The following LGSN variants were observed in gnomAD, a reference collection of about 807,000 sequenced individuals.
LGSN encodes lengsin, lens protein with glutamine synthetase domain, also known as lengsin.
Under a neutral mutation model 19.5 loss-of-function variants are expected in LGSN, and 21 were observed. The ratio of observed to expected loss-of-function variants is 1.07; its 90% CI spans 0.76 to 1.55. LGSN has a LOEUF of 1.55. LGSN is among the 40% of genes most tolerant of loss of function. The pLI is 0.00. For synonymous variants in LGSN, 257 were observed against 215.6 expected (o/e 1.19, Z -1.68); for missense variants, 673 against 608.5 (o/e 1.11, Z -1.12).
chr6:63,336,563 A>G, the LGSN span, among the ~76,000 whole-genome samples: 189 of 145,842 alleles, frequency 1.3e-3, 1 homozygote, highest in Middle Eastern at 3.6e-3. Context: ...GTGTGTGTGT[A>G]TATATATATA....
At chr6:63,465,269 C>T in the LGSN span, among the ~76,000 whole-genome samples, 1 of 152,068 alleles carries the variant, frequency 6.6e-6, no homozygotes, top group Admixed American at 6.6e-5. Flanking sequence ...CAACCTCCAC[C>T]TCCCGGGTTC....
chr6:63,315,014 A>C (rs1768784622), intron 1 of LGSN, among the ~76,000 whole-genome samples: 1 of 152,212 alleles, frequency 6.6e-6, no homozygotes, highest in South Asian at 2.1e-4. Context: ...TGCTAAAATA[A>C]TGGGATATGG....
At chr6:63,329,604 T>C in the LGSN span, among the ~76,000 whole-genome samples, 5 of 152,172 alleles carry the variant, frequency 3.3e-5, no homozygotes, top group Non-Finnish European at 5.9e-5. Context: ...TAAGGAAAAG[T>C]TGTGGGATCT....
At chr6:63,535,943 C>G in the LGSN span, among the ~76,000 whole-genome samples, 1 of 151,662 alleles carries the variant, frequency 6.6e-6, no homozygotes, top group Non-Finnish European at 1.5e-5. Context: ...CAGCTAATTT[C>G]TGTATTTTTT....
chr6:63,336,597 T>C, the LGSN span, among the ~76,000 whole-genome samples: 1 of 150,564 alleles, frequency 6.6e-6, no homozygotes, highest in African/African-American at 2.5e-5. Flanking sequence ...ATAAAGTTCC[T>C]ATGTATAGAT....
chr6:63,367,439 C>A, the LGSN span, among the ~76,000 whole-genome samples: 28 of 151,998 alleles, frequency 1.8e-4, no homozygotes, highest in Non-Finnish European at 2.9e-5. Context: ...AGTCAGGAAA[C>A]AACAGGTGCT....
the LGSN span, among the ~76,000 whole-genome samples, chr6:63,470,940 T>G: frequency 8.9e-6 from 1 of 112,528 alleles, no homozygotes. Context: ...TTTCTTTTTT[T>G]TTTTTTTTTT....
intron 1 of LGSN, among the ~76,000 whole-genome samples, chr6:63,319,519 C>T (rs1052237008): frequency 1.3e-5 from 2 of 152,094 alleles, no homozygotes; most frequent in Non-Finnish European, 2.9e-5. Flanking sequence ...AACAGGTTTC[C>T]ACCTTTAGTC....
the LGSN span, chr6:63,392,633 T>G: frequency 6.6e-6 from 1 of 152,144 alleles, no homozygotes; most frequent in Non-Finnish European, 1.5e-5. Flanking sequence ...AACGCTGGTG[T>G]TAGAGGCCTT....
chr6:63,510,542 C>T, the LGSN span, among the ~76,000 whole-genome samples: 2 of 150,094 alleles, frequency 1.3e-5, no homozygotes, highest in Admixed American at 1.3e-4. Flanking sequence ...TTATTCTATT[C>T]CCCCAGAGTT....
intron 1 of LGSN, among the ~76,000 whole-genome samples, chr6:63,301,008 T>C (rs940054297): frequency 1.3e-5 from 2 of 152,138 alleles, no homozygotes; most frequent in Non-Finnish European, 2.9e-5. Flanking sequence ...GTAAATAATT[T>C]AGCTGGCCAC....
chr6:63,474,568 C>T, the LGSN span, among the ~76,000 whole-genome samples: 1 of 145,958 alleles, frequency 6.9e-6, no homozygotes, highest in South Asian at 2.2e-4. Context: ...AAGATCACAC[C>T]ACTGCACTCC....
chr6:63,487,226 T>G, the LGSN span, among the ~76,000 whole-genome samples: 94 of 152,242 alleles, frequency 6.2e-4, no homozygotes, highest in African/African-American at 2.0e-3. Context: ...CTCCTTGGCC[T>G]CCCAAAGTGC....
At chr6:63,317,190 T>C (rs1344232046) in intron 1 of LGSN, among the ~76,000 whole-genome samples, 1 of 152,196 alleles carries the variant, frequency 6.6e-6, no homozygotes, top group African/African-American at 2.4e-5. Flanking sequence ...TAATAAAGTA[T>C]ATGTAATGAA....
chr6:63,365,710 C>A, the LGSN span, among the ~76,000 whole-genome samples: 1 of 152,188 alleles, frequency 6.6e-6, no homozygotes, highest in East Asian at 1.9e-4. Context: ...CAAACTGAAT[C>A]CAGCAGCACA....
the LGSN span, chr6:63,572,421 G>A: frequency 1.9e-5 from 7 of 361,154 alleles, no homozygotes; most frequent in Non-Finnish European, 3.5e-5. Flanking sequence ...GCCGCGATTG[G>A]TGGCTGGAGG....
chr6:63,409,041 A>G, the LGSN span, among the ~76,000 whole-genome samples: 4 of 152,066 alleles, frequency 2.6e-5, no homozygotes, highest in Admixed American at 1.3e-4. Flanking sequence ...CTCCCAAGTA[A>G]CTAGGACTGT....
chr6:63,454,815 G>C, the LGSN span, among the ~76,000 whole-genome samples: 1 of 30,842 alleles, frequency 3.2e-5, no homozygotes, highest in Admixed American at 3.6e-4. Flanking sequence ...TTTTTTTTGA[G>C]ACGGAGTCTT....
At chr6:63,522,653 T>C in the LGSN span, among the ~76,000 whole-genome samples, 1 of 152,190 alleles carries the variant, frequency 6.6e-6, no homozygotes, top group Admixed American at 6.6e-5. Flanking sequence ...TATTTGCTCA[T>C]AAGTTTTTAT....
Sources: allele counts gnomAD v4.1 joint callset (sites outside exome capture counted in the v4.1 genomes callset), GRCh38; gene constraint gnomAD v4.1.1; transcripts MANE v1.5; gene names NCBI Gene and HGNC (gene_info 2026-07-23, HGNC 2026-07-21).